RADX: variants seen among roughly 807,000 people sequenced by gnomAD.
RADX encodes the protein RPA-related protein RADX.
In RADX, 36 loss-of-function variants were observed where a neutral mutation model predicts 61.6. The ratio of observed to expected loss-of-function variants is 0.58; its 90% CI spans 0.45 to 0.77. The LOEUF is 0.77. Ranked by LOEUF, RADX falls within the 30% of genes least tolerant of loss-of-function variation. The probability of loss-of-function intolerance (pLI) is 0.00; values close to 1 mark genes in which losing one functional copy is unlikely to be tolerated. For synonymous variants in RADX, 272 were observed against 237.9 expected (o/e 1.14, Z -1.32); for missense variants, 497 against 651.1 (o/e 0.76, Z 2.58).
At chrX:106,618,237 T>C (rs979166858) in intron 1 of RADX, among the ~76,000 whole-genome samples, 10 of 110,939 alleles carry the variant, frequency 9.0e-5, no homozygotes, top group East Asian at 2.8e-4. Context: ...AGTTTTGTCG[T>C]TTTTTTTAAT....
At chrX:106,658,571 C>T (rs1241607924) in intron 11 of RADX, among the ~76,000 whole-genome samples, 1 of 111,832 alleles carries the variant, frequency 8.9e-6, no homozygotes, top group Non-Finnish European at 1.9e-5. Context: ...AAATTAAAAG[C>T]TAAATGTTAA....
At chrX:106,670,639 T>A (rs1374402879) in intron 13 of RADX, among the ~76,000 whole-genome samples, 2 of 107,028 alleles carry the variant, frequency 1.9e-5, no homozygotes, top group Non-Finnish European at 3.8e-5. Context: ...TAATAATATG[T>A]ATAATATAAT....
intron 11 of RADX, among the ~76,000 whole-genome samples, chrX:106,659,551 A>G (rs138150465): frequency 0.018 from 2,023 of 111,921 alleles, 36 homozygotes; most frequent in African/African-American, 0.062. Context: ...AGCTTAAAAT[A>G]TAACATGTTT....
chrX:106,646,208 G>A (rs1220357840), intron 10 of RADX, among the ~76,000 whole-genome samples: 1 of 110,771 alleles, frequency 9.0e-6, no homozygotes, highest in Non-Finnish European at 1.9e-5. Context: ...TATAGGTAAA[G>A]TATGTTTCTC....
Position 106,612,491 on chromosome X carries a change from T to G in RADX, c.411T>G (p.Leu137=). ...TGAGAATTTCCAGGGTCTCATGTCT[T>G]TACAATGAGAAAAGGATAGGCCAGG... ...IQMRISRVSC[L]YNEKRIGQGI... Residue 137 remains leucine (L), a synonymous_variant, in exon 1 of 14, where the codon CTT becomes CTG. Coordinates refer to ENST00000372548, the MANE Select transcript of RADX (RefSeq NM_018015.6). The G allele has an allele frequency of 8.3e-7, 1 of 1,210,573 alleles. No homozygotes were observed. Among genetic ancestry groups the G allele is most frequent in the African/African-American group, 1.7e-5 (1 of 57,728 alleles).
intron 1 of RADX, among the ~76,000 whole-genome samples, chrX:106,614,357 A>G (rs1406690035): frequency 1.8e-5 from 2 of 111,835 alleles, no homozygotes; most frequent in African/African-American, 3.3e-5. Context: ...TGTACATACA[A>G]TATTCCATAG....
chrX:106,637,494 TC>T (rs1480830713), intron 7 of RADX, among the ~76,000 whole-genome samples: 1 of 112,127 alleles, frequency 8.9e-6, no homozygotes, highest in Non-Finnish European at 1.9e-5. Context: ...TTTTTCTTCT[TC>T]CTGTGATTTC....
rs907412373 is a variant in RADX at position 106,627,900 on chromosome X, A to G, written c.979+2618A>G. Among the ~76,000 whole-genome samples, 4 of 111,521 alleles carry G rather than the reference A, an allele frequency of 3.6e-5. No individual in the cohort carries two copies. The Admixed American group carries it at 3.8e-4, about 11-fold the overall frequency. On this transcript the variant is annotated intron_variant, in intron 3 of 13. Transcript: ENST00000372548. ...ACCCAGGCTGGAGTGCAGTTGTGCA[A>G]TCTCGGCTCACTGCAACCTCCACCT...
At chrX:106,645,444 T>G (rs1392868163) in intron 10 of RADX, among the ~76,000 whole-genome samples, 1 of 111,374 alleles carries the variant, frequency 9.0e-6, no homozygotes, top group African/African-American at 3.2e-5. Flanking sequence ...GGTTTTGTTA[T>G]GTTTTGTTTC....
intron 3 of RADX, among the ~76,000 whole-genome samples, chrX:106,630,718 A>G (rs969832094): frequency 5.4e-5 from 6 of 111,391 alleles, no homozygotes; most frequent in Non-Finnish European, 1.1e-4. Context: ...AATGATGAGA[A>G]CACAAAGAGG....
At chrX:106,674,226 T>C (rs1222608262) in intron 13 of RADX, among the ~76,000 whole-genome samples, 1 of 111,086 alleles carries the variant, frequency 9.0e-6, no homozygotes, top group Non-Finnish European at 1.9e-5. Context: ...TGGGAGACGA[T>C]TGGTGGAGCC....
Position 106,632,921 on chromosome X carries a change from T to C in RADX, c.1089-11T>C. On this transcript the variant is annotated splice_polypyrimidine_tract_variant and intron_variant, in intron 4 of 13. Transcript: ENST00000372548. ...AAATAAAATATTAATTTAGTGATTT[T>C]ACCTTTTTAGGTCAGAACTGGATGA... The C allele has an allele frequency of 8.5e-7, 1 of 1,175,664 alleles. No homozygotes were observed.
At chrX:106,676,938 T>G (rs1197222193) in intron 13 of RADX, among the ~76,000 whole-genome samples, 1 of 111,927 alleles carries the variant, frequency 8.9e-6, no homozygotes, top group Admixed American at 9.5e-5. Flanking sequence ...AAGCCCACTT[T>G]ACACCACATA....
intron 3 of RADX, among the ~76,000 whole-genome samples, chrX:106,630,683 T>C (rs909959107): frequency 2.0e-4 from 22 of 111,421 alleles, no homozygotes; most frequent in Non-Finnish European, 3.8e-4. Context: ...AAATACCACA[T>C]GTTCTCACTT....
At chrX:106,623,999 C>T (rs1005965450) in intron 2 of RADX, among the ~76,000 whole-genome samples, 2 of 111,104 alleles carry the variant, frequency 1.8e-5, no homozygotes. Flanking sequence ...TTGCTTGCCT[C>T]TCCAGTCTCA....
At position 106,637,119 on chromosome X, in the gene RADX, C is replaced by T. The variant is rs544322003; in HGVS notation, c.1408+472C>T. Reference sequence around the variant, plus strand: ...CAAGTATATTGTTTTTCCCTATTCCCTCCAATAATAGGATCAAAACATTAA... The same window carrying T: ...CAAGTATATTGTTTTTCCCTATTCCTTCCAATAATAGGATCAAAACATTAA... On this transcript the variant is annotated intron_variant, in intron 7 of 13. Transcript: ENST00000372548. Among the ~76,000 whole-genome samples, 29 of 111,463 alleles carry T rather than the reference C, an allele frequency of 2.6e-4. No individual in the cohort carries two copies. In the East Asian group the frequency reaches 7.8e-3, roughly 30 times the overall value.
chrX:106,621,645 G>A (rs1239132488), intron 1 of RADX, among the ~76,000 whole-genome samples: 1 of 111,943 alleles, frequency 8.9e-6, no homozygotes, highest in Non-Finnish European at 1.9e-5. Context: ...TGGCATATGA[G>A]AAGATAGTAA....
intron 11 of RADX, among the ~76,000 whole-genome samples, chrX:106,654,893 A>AT (rs1422884198): frequency 8.9e-6 from 1 of 111,933 alleles, no homozygotes; most frequent in Non-Finnish European, 1.9e-5. Flanking sequence ...TAAAGGGATT[A>AT]TTTTTTAAAA....
At chrX:106,656,139 T>G (rs1927935257) in intron 11 of RADX, among the ~76,000 whole-genome samples, 1 of 112,294 alleles carries the variant, frequency 8.9e-6, no homozygotes, top group African/African-American at 3.2e-5. Context: ...TTTAACAGTG[T>G]TCACGACATC....
Sources: allele counts gnomAD v4.1 joint callset (sites outside exome capture counted in the v4.1 genomes callset), GRCh38; gene constraint gnomAD v4.1.1; transcripts MANE v1.5; gene names NCBI Gene and HGNC (gene_info 2026-07-23, HGNC 2026-07-21).